Variants in NEB observed in about 807,000 individuals in gnomAD.
The protein encoded by NEB is nebulin, also known as nemaline myopathy type 2.
A neutral mutation model predicts 952.2 loss-of-function variants in NEB; 512 were observed. The observed-to-expected ratio is 0.54, with a 90% CI of 0.50 to 0.58. The LOEUF (loss-of-function observed/expected upper bound fraction) is 0.58, where lower values mean the gene tolerates loss of function less well. Ranked by LOEUF, NEB falls within the 20% of genes least tolerant of loss-of-function variation. The pLI, the probability that NEB is intolerant of heterozygous loss-of-function variation, is 0.00. For missense variants in NEB, 8,428 were observed against 9,231.1 expected (o/e 0.91, Z 3.56); for synonymous variants, 2,900 against 3,149.8 (o/e 0.92, Z 2.66).
chr2:151,642,679 T>G lies in NEB; in HGVS notation c.8268A>C (p.Lys2756Asn). The change falls in exon 60 of 182, where the codon AAA (lysine) becomes AAC (asparagine). Residue 2756 changes from lysine to asparagine, a missense_variant and splice_region_variant. This residue lies in a region of NEB where 1,772 missense variants were observed against 1,960.3 expected (regional missense o/e 0.90). Transcript: ENST00000397345. ...AKQNKVNYSE[K>N]LYKLGLEEAK... The stretch of plus-strand genomic sequence containing the variant: ...CTTCTTCTAGGCCAAGCTTATACAA[T>G]TTCTAAAATAGACATTAATAGTAAG... 1 of 1,613,558 alleles carries G rather than the reference T, an allele frequency of 6.2e-7. No homozygotes were observed. Among genetic ancestry groups the G allele is most frequent in the East Asian group, 2.2e-5 (1 of 44,850 alleles).
chr2:151,486,176 CA>C, intron 181 of NEB: 1 of 447,138 alleles, frequency 2.2e-6, no homozygotes, highest in Non-Finnish European at 4.0e-6. Flanking sequence ...CTTCCCCCAC[CA>C]AAAGAGGCAA....
intron 84 of NEB, 107 bp from the exon 85 acceptor site, chr2:151,604,978 T>C (rs2153941738): frequency 1.6e-6 from 1 of 636,730 alleles, no homozygotes; most frequent in Admixed American, 3.5e-5. Context: ...TGGTATAAAT[T>C]GGCTCAACAT....
chr2:151,502,388 A>T (rs1474466425), intron 167 of NEB, among the ~76,000 whole-genome samples: 1 of 23,394 alleles, frequency 4.3e-5, no homozygotes, highest in East Asian at 2.8e-3. Context: ...ATCTAAACAT[A>T]AAAAAAAAAA....
In NEB at chr2:151,526,203, C is replaced by T. The variant is rs201400523; in HGVS notation, c.22005G>A (p.Thr7335=). 8.1e-4 allele frequency: 1,302 copies of T among 1,613,886 alleles called. 8 individuals are homozygous for T. The highest frequency in any genetic ancestry group is 4.2e-3 in the South Asian group (380 of 91,070). ...ERGTCHAVPD[T]PQILLAKTVS... ...CAGTCTTCGCCAGCAGGATCTGAGG[C>T]GTGTCAGGTACGGCATGGCAGGTTC... is the stretch of plus-strand genomic sequence containing the variant. The change falls in exon 149 of 182, where the codon ACG becomes ACA. Residue 7335 remains threonine, a synonymous_variant. Coordinates refer to ENST00000397345, the MANE Select transcript of NEB (RefSeq NM_001164508.2).
intron 3 of NEB, among the ~76,000 whole-genome samples, chr2:151,732,308 G>A (rs1215822170): frequency 6.6e-6 from 1 of 152,022 alleles, no homozygotes; most frequent in Admixed American, 6.6e-5. Context: ...AGAATGTGAA[G>A]CTAAAGGCAA....
At chr2:151,705,618 A>G (rs1244119108) in intron 13 of NEB, among the ~76,000 whole-genome samples, 1 of 152,204 alleles carries the variant, frequency 6.6e-6, no homozygotes, top group Non-Finnish European at 1.5e-5. Flanking sequence ...AGACACATGC[A>G]TAAGCATGTT....
In NEB at chr2:151,697,205, G is replaced by C; in HGVS notation, c.1413C>G (p.Phe471Leu). Residue 471 changes from phenylalanine (F) to leucine (L), a missense_variant, in exon 16 of 182, where the codon TTC (phenylalanine) becomes TTG (leucine). Transcript: ENST00000397345. ...EYEEDRGKGF[F>L]PQTITQEYEA... The stretch of plus-strand genomic sequence containing the variant: ...CATATTCTTGAGTTATGGTCTGAGG[G>C]AAGAAGCCTTTGCCTCTGTCTTCTT... 6.2e-7 allele frequency: 1 copy of C among 1,613,750 alleles called. No homozygotes were observed. Among genetic ancestry groups the C allele is most frequent in the Non-Finnish European group, 8.5e-7 (1 of 1,179,870 alleles).
chr2:151,650,329 G>A lies in NEB; in HGVS notation c.7278C>T (p.Pro2426=). The A allele has an allele frequency of 6.2e-7, 1 of 1,613,850 alleles. No homozygotes were observed. Among genetic ancestry groups the A allele is most frequent in the South Asian group, 1.1e-5 (1 of 91,080 alleles). Residue 2426 remains proline (P), a synonymous_variant, in exon 54 of 182, where the codon CCC becomes CCT. Transcript: ENST00000397345. ...LEWLRGIGWS[P]LGSLEAEKNK... is the part of the protein sequence containing the mutation. ...TCTTTTCTGCCTCTAAAGAACCCAA[G>A]GGACTCCATCCTATGCCTCTCAGCC...
intron 128 of NEB, among the ~76,000 whole-genome samples, chr2:151,552,096 G>A (rs573342319): frequency 1.3e-5 from 2 of 152,264 alleles, no homozygotes; most frequent in African/African-American, 4.8e-5. Flanking sequence ...CTCAATGTTT[G>A]CACTCACTGG....
chr2:151,486,467 T>C (rs2050482493), intron 181 of NEB: 1 of 155,674 alleles, frequency 6.4e-6, no homozygotes, highest in Non-Finnish European at 1.4e-5. Flanking sequence ...AAATACAGCA[T>C]TACCCTATGG....
chr2:151,503,487 A>G (rs1327292288), intron 165 of NEB, 46 bp from the exon 166 acceptor site: 4 of 1,305,278 alleles, frequency 3.1e-6, no homozygotes, highest in Non-Finnish European at 4.4e-6. Flanking sequence ...ATGACCGTAA[A>G]TCCTTTAGAT....
intron 80 of NEB, 38 bp downstream of exon 80, chr2:151,610,478 C>G: frequency 6.7e-7 from 1 of 1,499,360 alleles, no homozygotes; most frequent in Middle Eastern, 1.7e-4. Flanking sequence ...TTGTTCAGCA[C>G]AGTGGAGACC....
At chr2:151,488,880 A>G (rs1441548853) in intron 181 of NEB, among the ~76,000 whole-genome samples, 1 of 152,002 alleles carries the variant, frequency 6.6e-6, no homozygotes, top group African/African-American at 2.4e-5. Flanking sequence ...TTTTGTATCT[A>G]TTGCCATGCT....
At chr2:151,507,413 CTG>C (rs1421811874) in intron 162 of NEB, among the ~76,000 whole-genome samples, 1 of 152,192 alleles carries the variant, frequency 6.6e-6, no homozygotes, top group Non-Finnish European at 1.5e-5. Flanking sequence ...CTGGCCTTCT[CTG>C]TTTTTTCCTG....
In NEB at chr2:151,560,751, C is replaced by T. The variant is rs560366733; in HGVS notation, c.19207-52G>A. ...AATATGGGAAAATGCATCTGGTTAG[C>T]TTCTGAGTAGCAGGTTTTCCTTCTG... On this transcript the variant is annotated intron_variant, in intron 123 of 181. Transcript: ENST00000397345. 6.9e-5 allele frequency: 95 copies of T among 1,380,706 alleles called. 1 individual carries two copies. In the East Asian group the frequency reaches 1.9e-3, roughly 28 times the overall value. 85.5% of individuals were successfully genotyped at this position (1,380,706 alleles called of 1,614,324 possible). A position where few individuals can be genotyped will look rare whatever the true frequency, so the allele number is the denominator to read the frequency against.
chr2:151,692,688 C>T (rs1490279145), intron 20 of NEB, among the ~76,000 whole-genome samples: 5 of 151,978 alleles, frequency 3.3e-5, no homozygotes, highest in Admixed American at 2.0e-4. Flanking sequence ...AAATGAGTTT[C>T]GCTAGGTGCA....
At chr2:151,491,511 AT>A (rs1182929104) in intron 179 of NEB, 171 bp downstream of exon 179, 1 of 558,078 alleles carries the variant, frequency 1.8e-6, no homozygotes, top group Non-Finnish European at 3.2e-6. Context: ...ACTTGAACTT[AT>A]CTAGAAAGTA....
At chr2:151,572,662 C>T (rs2096679795) in intron 107 of NEB, among the ~76,000 whole-genome samples, 1 of 150,204 alleles carries the variant, frequency 6.7e-6, no homozygotes, top group East Asian at 2.0e-4. Context: ...TCTTGTGCCT[C>T]AGCCACCCAA....
chr2:151,524,043 C>G (rs917572696), intron 153 of NEB, among the ~76,000 whole-genome samples: 1 of 152,124 alleles, frequency 6.6e-6, no homozygotes, highest in Non-Finnish European at 1.5e-5. Flanking sequence ...ATCTCATGAA[C>G]TGATGTTTTT....
Sources: gnomAD v4.1 joint callset for allele counts (sites outside exome capture counted in the v4.1 genomes callset) on GRCh38, gnomAD v4.1.1 for gene constraint, gnomAD v4.1.1 regional missense constraint, MANE v1.5 for transcripts, NCBI Gene and HGNC (gene_info 2026-07-23, HGNC 2026-07-21) for gene names.